The following BAZ2B variants were observed in gnomAD, a reference collection of about 807,000 sequenced individuals.
BAZ2B encodes the protein bromodomain adjacent to zinc finger domain 2B, also known as bromodomain adjacent to zinc finger domain protein 2B.
A neutral mutation model predicts 246.0 loss-of-function variants in BAZ2B; 91 were observed. The observed-to-expected ratio is 0.37, with a 90% CI of 0.31 to 0.44. The LOEUF (loss-of-function observed/expected upper bound fraction) is 0.44, where lower values mean the gene tolerates loss of function less well. Among genes scored for constraint, BAZ2B ranks in the 20% least tolerant of loss-of-function variants. The probability of loss-of-function intolerance (pLI) is 1.00; values close to 1 mark genes in which losing one functional copy is unlikely to be tolerated. For missense variants in BAZ2B, 2,332 were observed against 2,533.7 expected (o/e 0.92, Z 1.71); for synonymous variants, 855 against 860.0 (o/e 0.99, Z 0.10).
intron 25 of BAZ2B, among the ~76,000 whole-genome samples, chr2:159,376,698 A>C (rs561374150): frequency 4.6e-5 from 7 of 152,360 alleles, no homozygotes; most frequent in Admixed American, 3.3e-4. Flanking sequence ...ATAAATATTC[A>C]AAATAGATAT....
chr2:159,435,118 A>G (rs1035798690), intron 8 of BAZ2B: 1 of 151,976 alleles, frequency 6.6e-6, no homozygotes, highest in Non-Finnish European at 1.5e-5. Flanking sequence ...TCCTAACACT[A>G]AAATCAGCAA....
At chr2:159,533,453 T>C (rs1294423209) in intron 2 of BAZ2B, among the ~76,000 whole-genome samples, 2 of 152,214 alleles carry the variant, frequency 1.3e-5, no homozygotes, top group Non-Finnish European at 2.9e-5. Flanking sequence ...ATGAAAGTGC[T>C]AAACTTATGA....
At chr2:159,493,220 G>T (rs2080695233) in intron 2 of BAZ2B, among the ~76,000 whole-genome samples, 1 of 152,146 alleles carries the variant, frequency 6.6e-6, no homozygotes, top group Admixed American at 6.5e-5. Flanking sequence ...CAATAGGACA[G>T]CCATTAACCA....
intron 2 of BAZ2B, among the ~76,000 whole-genome samples, chr2:159,528,454 G>A (rs181337991): frequency 6.6e-5 from 10 of 152,262 alleles, no homozygotes; most frequent in East Asian, 5.8e-4. Context: ...AGGCCAAGGC[G>A]GTTGGATCAC....
At chr2:159,634,662 G>A in the BAZ2B span, among the ~76,000 whole-genome samples, 1 of 152,132 alleles carries the variant, frequency 6.6e-6, no homozygotes, top group Non-Finnish European at 1.5e-5. Flanking sequence ...ACTCTGAGGA[G>A]TGCAATACTG....
chr2:159,494,532 G>C (rs552868881), intron 2 of BAZ2B, among the ~76,000 whole-genome samples: 2 of 152,230 alleles, frequency 1.3e-5, no homozygotes, highest in East Asian at 3.9e-4. Context: ...CAGGCTTTCT[G>C]TACACAATTC....
At chr2:159,667,092 T>C in the BAZ2B span, among the ~76,000 whole-genome samples, 1 of 49,714 alleles carries the variant, frequency 2.0e-5, no homozygotes, top group Non-Finnish European at 4.9e-5. Context: ...ACTTAAAGTA[T>C]AATAAAAAAA....
chr2:159,514,935 T>C (rs1207306994), intron 2 of BAZ2B, among the ~76,000 whole-genome samples: 1 of 152,116 alleles, frequency 6.6e-6, no homozygotes, highest in African/African-American at 2.4e-5. Flanking sequence ...CTCCTCAGAA[T>C]ATGCCAGTAA....
At chr2:159,549,294 C>G (rs893648623) in intron 2 of BAZ2B, among the ~76,000 whole-genome samples, 1 of 152,036 alleles carries the variant, frequency 6.6e-6, no homozygotes, top group Non-Finnish European at 1.5e-5. Flanking sequence ...AACAAACAAA[C>G]AAACAAACAA....
the BAZ2B span, among the ~76,000 whole-genome samples, chr2:159,626,874 C>T: frequency 1.3e-5 from 2 of 152,046 alleles, no homozygotes; most frequent in Non-Finnish European, 2.9e-5. Context: ...TCAATGAATC[C>T]AGGACCTGGT....
the BAZ2B span, among the ~76,000 whole-genome samples, chr2:159,668,913 G>A: frequency 0.066 from 10,051 of 152,002 alleles, 428 homozygotes; most frequent in Middle Eastern, 0.19. Flanking sequence ...AAAATTAGCC[G>A]GGCATGGTGG....
chr2:159,478,568 T>C lies in BAZ2B; in HGVS notation c.145+7A>G, dbSNP rs762322095. The C allele has an allele frequency of 6.3e-7, 1 of 1,588,770 alleles. No individual in the cohort carries two copies. Among genetic ancestry groups the C allele is most frequent in the East Asian group, 2.3e-5 (1 of 43,930 alleles). ...ATTCTAAAATTGAGTTAAAAAAGGG[T>C]ATTCACCACATGGGTTGATTGTAGA... On this transcript the variant is annotated splice_region_variant and intron_variant, in intron 3 of 36. Coordinates refer to ENST00000392783, the MANE Select transcript of BAZ2B (RefSeq NM_013450.4).
At chr2:159,467,973 C>T (rs988169374) in intron 3 of BAZ2B, among the ~76,000 whole-genome samples, 12 of 152,176 alleles carry the variant, frequency 7.9e-5, no homozygotes, top group African/African-American at 2.9e-4. Context: ...GCTAAGGCAG[C>T]ATCTCAAAAT....
At chr2:159,670,957 T>C in the BAZ2B span, 2 of 152,240 alleles carry the variant, frequency 1.3e-5, no homozygotes, top group African/African-American at 2.4e-5. Context: ...TACTGTCTTC[T>C]GGCCTCTATG....
At chr2:159,466,363 C>G (rs2077047641) in intron 3 of BAZ2B, among the ~76,000 whole-genome samples, 1 of 152,154 alleles carries the variant, frequency 6.6e-6, no homozygotes, top group Non-Finnish European at 1.5e-5. Flanking sequence ...GTAAATTCAT[C>G]TCTCCTTCCC....
intron 31 of BAZ2B, among the ~76,000 whole-genome samples, chr2:159,341,790 AG>A (rs1452643711): frequency 5.2e-5 from 8 of 152,384 alleles, no homozygotes; most frequent in South Asian, 2.1e-4. Context: ...GAAGAAATTA[AG>A]AATGAAATTT....
At chr2:159,680,408 TG>T in the BAZ2B span, among the ~76,000 whole-genome samples, 1 of 152,244 alleles carries the variant, frequency 6.6e-6, no homozygotes, top group African/African-American at 2.4e-5. Flanking sequence ...AGTATATACA[TG>T]GATTTATTTC....
At chr2:159,688,669 T>C in the BAZ2B span, among the ~76,000 whole-genome samples, 4 of 152,324 alleles carry the variant, frequency 2.6e-5, no homozygotes, top group East Asian at 1.9e-4. Context: ...TCGAGGGTCA[T>C]ACATTATTTT....
chr2:159,593,793 G>A (rs1689954264), intron 1 of BAZ2B, among the ~76,000 whole-genome samples: 1 of 152,154 alleles, frequency 6.6e-6, no homozygotes, highest in Non-Finnish European at 1.5e-5. Context: ...AGCATCCACT[G>A]AGTGTCTTGG....
Sources: allele counts gnomAD v4.1 joint callset (sites outside exome capture counted in the v4.1 genomes callset), GRCh38; gene constraint gnomAD v4.1.1; transcripts MANE v1.5; gene names NCBI Gene and HGNC (gene_info 2026-07-23, HGNC 2026-07-21).